Variants in DCLK2 observed in about 807,000 individuals in gnomAD.
DCLK2 encodes doublecortin like kinase 2.
In DCLK2, 31 loss-of-function variants were observed where a neutral mutation model predicts 78.4. The ratio of observed to expected loss-of-function variants is 0.40; its 90% confidence interval spans 0.30 to 0.53. The LOEUF (loss-of-function observed/expected upper bound fraction) is 0.53, where lower values mean the gene tolerates loss of function less well. Ranked by LOEUF, DCLK2 falls within the 20% of genes least tolerant of loss-of-function variation. The pLI is 0.61. For synonymous variants in DCLK2, 407 were observed against 374.9 expected (o/e 1.09, Z -0.99); for missense variants, 872 against 973.7 (o/e 0.90, Z 1.39).
chr4:150,115,388 G>C (rs554700262), intron 2 of DCLK2, among the ~76,000 whole-genome samples: 4 of 151,896 alleles, frequency 2.6e-5, no homozygotes, highest in South Asian at 4.2e-4. Context: ...TCTTATTTTG[G>C]ATCCATTGCT....
At chr4:150,229,137 C>T (rs901141164) in intron 8 of DCLK2, among the ~76,000 whole-genome samples, 13 of 151,784 alleles carry the variant, frequency 8.6e-5, no homozygotes, top group African/African-American at 2.4e-4. Context: ...CCCAGGAGTT[C>T]GAGACCAGCC....
chr4:150,168,120 G>T (rs1343116053), intron 2 of DCLK2, among the ~76,000 whole-genome samples: 1 of 152,160 alleles, frequency 6.6e-6, no homozygotes, highest in Non-Finnish European at 1.5e-5. Context: ...AAGGCGGGCG[G>T]ATCACGAGGT....
chr4:150,136,561 A>G (rs1228331733), intron 2 of DCLK2, among the ~76,000 whole-genome samples: 1 of 152,232 alleles, frequency 6.6e-6, no homozygotes, highest in Non-Finnish European at 1.5e-5. Context: ...GTGATTGGAA[A>G]AGTCACTGTG....
chr4:150,239,502 C>T (rs146076550), intron 10 of DCLK2, among the ~76,000 whole-genome samples: 267 of 151,788 alleles, frequency 1.8e-3, no homozygotes, highest in Non-Finnish European at 2.6e-3. Context: ...TTGGGGGTTC[C>T]GTGGGGGAAG....
chr4:150,102,322 G>C (rs1730944973), intron 1 of DCLK2, among the ~76,000 whole-genome samples, 156 bp from the exon 2 acceptor site: 1 of 152,156 alleles, frequency 6.6e-6, no homozygotes, highest in Non-Finnish European at 1.5e-5. Flanking sequence ...AAGAAAGGAA[G>C]GTGGGAGAAT....
intron 2 of DCLK2, among the ~76,000 whole-genome samples, chr4:150,114,601 T>C (rs1333415741): frequency 6.6e-6 from 1 of 152,226 alleles, no homozygotes; most frequent in African/African-American, 2.4e-5. Context: ...TAACATTTCC[T>C]TAGCATTTGC....
chr4:150,143,575 G>C lies in DCLK2; in HGVS notation c.756+40763G>C, dbSNP rs138466764. On this transcript the variant is annotated intron_variant, in intron 2 of 15. Transcript: ENST00000296550. ...CCTTTGGATAGACATCTGATAGTGAGATTGCTGGATCGAATAGTAGTATAG... is the reference window on the plus strand; with the variant it reads ...CCTTTGGATAGACATCTGATAGTGACATTGCTGGATCGAATAGTAGTATAG... Among the ~76,000 whole-genome samples, 198 of 152,314 alleles carry C rather than the reference G, an allele frequency of 1.3e-3. No individual in the cohort carries two copies. In the Middle Eastern group the frequency reaches 0.034, roughly 26 times the overall value.
intron 2 of DCLK2, among the ~76,000 whole-genome samples, chr4:150,145,335 C>T (rs922958526): frequency 2.6e-5 from 4 of 152,156 alleles, no homozygotes; most frequent in African/African-American, 9.7e-5. Flanking sequence ...TATGGAGTTG[C>T]AGTGTTGGGA....
intron 8 of DCLK2, among the ~76,000 whole-genome samples, chr4:150,225,380 AC>A (rs1741526167): frequency 6.6e-6 from 1 of 152,254 alleles, no homozygotes; most frequent in African/African-American, 2.4e-5. Context: ...GAAAAGATCA[AC>A]CAATAAAATG....
intron 2 of DCLK2, among the ~76,000 whole-genome samples, chr4:150,181,388 G>A (rs1737506594): frequency 6.6e-6 from 1 of 151,970 alleles, no homozygotes; most frequent in African/African-American, 2.4e-5. Flanking sequence ...GGCAATCAGA[G>A]GACTGACATA....
At chr4:150,209,779 T>C (rs952919888) in intron 5 of DCLK2, 1 of 152,328 alleles carries the variant, frequency 6.6e-6, no homozygotes, top group Non-Finnish European at 1.5e-5. Context: ...CAGGTAAATC[T>C]ATTACAACAT....
chr4:150,236,419 T>C (rs1378814578), intron 10 of DCLK2, among the ~76,000 whole-genome samples: 1 of 152,176 alleles, frequency 6.6e-6, no homozygotes, highest in Non-Finnish European at 1.5e-5. Flanking sequence ...GCTGTGCGCC[T>C]CAGTCTCCTC....
chr4:150,245,201 T>C (rs892106225), intron 12 of DCLK2, among the ~76,000 whole-genome samples: 3 of 152,206 alleles, frequency 2.0e-5, no homozygotes, highest in Non-Finnish European at 4.4e-5. Flanking sequence ...AGAAAACATT[T>C]TGACACTAAG....
intron 2 of DCLK2, among the ~76,000 whole-genome samples, chr4:150,165,497 T>C (rs1735997143): frequency 6.6e-6 from 1 of 152,250 alleles, no homozygotes; most frequent in African/African-American, 2.4e-5. Flanking sequence ...TTAGCCACAG[T>C]TGTTGCCATA....
At chr4:150,176,975 C>T (rs1737137241) in intron 2 of DCLK2, among the ~76,000 whole-genome samples, 1 of 152,190 alleles carries the variant, frequency 6.6e-6, no homozygotes, top group Admixed American at 6.5e-5. Context: ...GAACGGATAT[C>T]ATGTCTCTGA....
At chr4:150,139,037 T>G (rs1260236197) in intron 2 of DCLK2, among the ~76,000 whole-genome samples, 2 of 151,880 alleles carry the variant, frequency 1.3e-5, no homozygotes, top group Non-Finnish European at 2.9e-5. Context: ...AATAATACAT[T>G]GAAAAATTTT....
At position 150,175,082 on chromosome 4, in the gene DCLK2, T is replaced by TTG. The variant is rs1560834940; in HGVS notation, c.757-18055_757-18054insGT. Among the ~76,000 whole-genome samples, 37 of 18,656 alleles carry TTG rather than the reference T, an allele frequency of 2.0e-3. 6 individuals carry two copies. Among genetic ancestry groups the TTG allele is most frequent in the Non-Finnish European group, 2.4e-3 (21 of 8,664 alleles). 12.2% of individuals were successfully genotyped at this position (18,656 alleles called of 152,430 possible). On this transcript the variant is annotated intron_variant, in intron 2 of 15. Transcript: ENST00000296550. Reference sequence around the variant, plus strand: ...TATATATTTATATATATTTATATATTTATATATATATTTATATATATTTAT... The same window carrying TTG: ...TATATATTTATATATATTTATATATTTGTATATATATATTTATATATATTTAT...
chr4:150,215,027 A>G lies in DCLK2; in HGVS notation c.1057-5676A>G, dbSNP rs977294505. On this transcript the variant is annotated intron_variant, in intron 5 of 15. Transcript: ENST00000296550. The stretch of plus-strand genomic sequence containing the variant: ...TAGACCATTTACCACTTGAATTGTG[A>G]TGCCATTTTCCAAAATGCATTCAAG... Among the ~76,000 whole-genome samples, 4 of 152,112 alleles carry G rather than the reference A, an allele frequency of 2.6e-5. No homozygotes were observed. In the East Asian group the frequency reaches 7.7e-4, roughly 29 times the overall value.
chr4:150,081,155 T>G (rs1384703153), intron 1 of DCLK2, among the ~76,000 whole-genome samples: 1 of 152,250 alleles, frequency 6.6e-6, no homozygotes, highest in Non-Finnish European at 1.5e-5. Flanking sequence ...CTACTGTTCC[T>G]GGTATGGTTT....
Sources: gnomAD v4.1 joint callset for allele counts (sites outside exome capture counted in the v4.1 genomes callset) on GRCh38, gnomAD v4.1.1 for gene constraint, MANE v1.5 for transcripts, NCBI Gene and HGNC (gene_info 2026-07-23, HGNC 2026-07-21) for gene names.